CAMK1D: variants seen among roughly 807,000 people sequenced by gnomAD.
CAMK1D encodes calcium/calmodulin-dependent protein kinase type 1D.
In CAMK1D, 9 loss-of-function variants were observed where a neutral mutation model predicts 47.7. The observed-to-expected ratio is 0.19, with a 90% CI of 0.11 to 0.33. CAMK1D has a LOEUF of 0.33. Among genes scored for constraint, CAMK1D ranks in the 10% least tolerant of loss-of-function variants. CAMK1D has a pLI of 1.00. For missense variants in CAMK1D, 291 were observed against 488.7 expected (o/e 0.60, Z 3.81); for synonymous variants, 184 against 184.9 (o/e 0.99, Z 0.04).
At chr10:12,828,195 T>C (rs1564594946) in intron 10 of CAMK1D, among the ~76,000 whole-genome samples, 1 of 152,238 alleles carries the variant, frequency 6.6e-6, no homozygotes, top group Non-Finnish European at 1.5e-5. Flanking sequence ...GAACCTGTTG[T>C]ACCACAGTGG....
rs1465299293 is a variant in CAMK1D at position 12,831,185 on chromosome 10, T to C, written c.*2298T>C. 6.6e-6 allele frequency: 1 copy of C among 152,196 alleles called. No individual in the cohort carries two copies. Among genetic ancestry groups the C allele is most frequent in the East Asian group, 1.9e-4 (1 of 5,194 alleles). The allele number at this position is 152,196 out of a possible 1,614,324, so 9.4% of individuals were successfully genotyped here. On this transcript the variant is annotated 3_prime_UTR_variant, in exon 11 of 11. Transcript: ENST00000619168. ...AAAATCTAAAAACCCTGGAAAGGTCTATAAGATGACATTAGACCCAGTTAA... is the reference window on the plus strand; with the variant it reads ...AAAATCTAAAAACCCTGGAAAGGTCCATAAGATGACATTAGACCCAGTTAA...
intron 1 of CAMK1D, among the ~76,000 whole-genome samples, chr10:12,479,139 C>T (rs1161712385): frequency 6.6e-6 from 1 of 152,128 alleles, no homozygotes; most frequent in East Asian, 1.9e-4. Flanking sequence ...TGGCCCTGCC[C>T]ACGGCGCTGC....
intron 1 of CAMK1D, among the ~76,000 whole-genome samples, chr10:12,374,725 C>T (rs950495266): frequency 7.9e-5 from 12 of 151,930 alleles, no homozygotes; most frequent in Non-Finnish European, 1.3e-4. Context: ...GGTGGGATCA[C>T]AAGGTCAGGA....
chr10:12,360,661 G>C (rs1025534967), intron 1 of CAMK1D, among the ~76,000 whole-genome samples: 9 of 152,156 alleles, frequency 5.9e-5, no homozygotes, highest in South Asian at 2.1e-4. Context: ...GCAGAAGGAG[G>C]AAGAAGTAAT....
chr10:12,818,859 C>T (rs1832909647), intron 8 of CAMK1D, among the ~76,000 whole-genome samples: 2 of 152,070 alleles, frequency 1.3e-5, no homozygotes, highest in Non-Finnish European at 2.9e-5. Flanking sequence ...AAGAAGTGGA[C>T]AGTTGTGATT....
At chr10:12,595,346 A>AAAAAAAAAAG (rs750855926) in intron 2 of CAMK1D, among the ~76,000 whole-genome samples, 1 of 146,692 alleles carries the variant, frequency 6.8e-6, no homozygotes, top group Non-Finnish European at 1.5e-5. Flanking sequence ...CCATCTGAAA[A>AAAAAAAAAAG]AAAAAAAAAA....
chr10:12,472,990 G>A (rs1385436388), intron 1 of CAMK1D, among the ~76,000 whole-genome samples: 1 of 152,212 alleles, frequency 6.6e-6, no homozygotes, highest in Non-Finnish European at 1.5e-5. Flanking sequence ...GAGGTGGCCA[G>A]GATGAGCAGA....
At chr10:12,387,883 A>G (rs966062944) in intron 1 of CAMK1D, among the ~76,000 whole-genome samples, 1 of 152,172 alleles carries the variant, frequency 6.6e-6, no homozygotes. Flanking sequence ...TCATTGTGAA[A>G]GACTGGGCTC....
intron 3 of CAMK1D, among the ~76,000 whole-genome samples, chr10:12,739,290 C>G (rs981757651): frequency 8.6e-5 from 13 of 151,948 alleles, no homozygotes; most frequent in African/African-American, 2.9e-4. Context: ...CCCTCTCCCC[C>G]CGAGACAGAG....
intron 1 of CAMK1D, among the ~76,000 whole-genome samples, chr10:12,392,383 C>T (rs1463916962): frequency 1.3e-5 from 2 of 152,188 alleles, no homozygotes; most frequent in East Asian, 1.9e-4. Flanking sequence ...TCCCCCCAGC[C>T]CCTGACACCT....
chr10:12,649,664 C>G (rs1263858184), intron 2 of CAMK1D, among the ~76,000 whole-genome samples: 1 of 151,976 alleles, frequency 6.6e-6, no homozygotes, highest in Non-Finnish European at 1.5e-5. Context: ...TCCCCCTTTT[C>G]TTTAGAAACA....
intron 8 of CAMK1D, 122 bp downstream of exon 8, chr10:12,816,450 A>C: frequency 1.3e-4 from 98 of 777,698 alleles, no homozygotes; most frequent in Non-Finnish European, 1.8e-4. Flanking sequence ...ATTTCATCTC[A>C]TTCTGGCCAG....
chr10:12,660,548 A>T (rs1197349672), intron 2 of CAMK1D, among the ~76,000 whole-genome samples: 2 of 152,198 alleles, frequency 1.3e-5, no homozygotes, highest in Non-Finnish European at 2.9e-5. Flanking sequence ...GTCAGTTACT[A>T]TATGGACAGA....
At chr10:12,469,943 T>C (rs1344585658) in intron 1 of CAMK1D, among the ~76,000 whole-genome samples, 1 of 152,218 alleles carries the variant, frequency 6.6e-6, no homozygotes, top group Non-Finnish European at 1.5e-5. Flanking sequence ...TATCAGGGCA[T>C]ATTCTGATAG....
At chr10:12,570,042 A>G (rs1158391444) in intron 2 of CAMK1D, among the ~76,000 whole-genome samples, 1 of 152,070 alleles carries the variant, frequency 6.6e-6, no homozygotes, top group Non-Finnish European at 1.5e-5. Flanking sequence ...TCAACTAAAA[A>G]TACAAAAAGT....
At chr10:12,676,270 A>T (rs75785848) in intron 3 of CAMK1D, among the ~76,000 whole-genome samples, 1,540 of 152,262 alleles carry the variant, frequency 0.01, 27 homozygotes, top group African/African-American at 0.035. Flanking sequence ...ACTTATCTTA[A>T]TGCTATCATG....
chr10:12,820,367 A>G (rs1334644978), intron 8 of CAMK1D, among the ~76,000 whole-genome samples: 1 of 152,248 alleles, frequency 6.6e-6, no homozygotes, highest in Non-Finnish European at 1.5e-5. Context: ...CTGGAAAATG[A>G]TGAAAACTAA....
In CAMK1D at chr10:12,666,742, G is replaced by A. The variant is rs748338016; in HGVS notation, c.231G>A (p.Lys77=). The A allele has an allele frequency of 6.8e-6, 11 of 1,611,748 alleles. No homozygotes were observed. Among genetic ancestry groups the A allele is most frequent in the Non-Finnish European group, 8.5e-6 (10 of 1,178,552 alleles). The change falls in exon 3 of 11, where the codon AAG becomes AAA. Residue 77 remains lysine (K), a synonymous_variant. Coordinates refer to ENST00000619168, the MANE Select transcript of CAMK1D (RefSeq NM_153498.4). ...ENEIAVLRKI[K]HENIVALEDI... Reference sequence around the variant, plus strand: ...CGTCTATTTTTTTTTTCAGGATTAAGCATGAAAATATTGTTGCCCTGGAAG... The same window carrying A: ...CGTCTATTTTTTTTTTCAGGATTAAACATGAAAATATTGTTGCCCTGGAAG...
intron 3 of CAMK1D, among the ~76,000 whole-genome samples, chr10:12,732,410 T>A (rs769719896): frequency 1.3e-5 from 2 of 152,208 alleles, no homozygotes; most frequent in South Asian, 2.1e-4. Context: ...GTATTATTAG[T>A]CCATTTTCAC....
Sources: allele counts gnomAD v4.1 joint callset (sites outside exome capture counted in the v4.1 genomes callset), GRCh38; gene constraint gnomAD v4.1.1; transcripts MANE v1.5; gene names NCBI Gene and HGNC (gene_info 2026-07-23, HGNC 2026-07-21).